Variants in PTPN13 observed in about 807,000 individuals in gnomAD.
PTPN13 encodes tyrosine-protein phosphatase non-receptor type 13.
In PTPN13, 191 loss-of-function variants were observed where a neutral mutation model predicts 284.0. The observed-to-expected ratio is 0.67, with a 90% CI of 0.60 to 0.76. The LOEUF is 0.76. Ranked by LOEUF, PTPN13 falls within the 30% of genes least tolerant of loss-of-function variation. PTPN13 has a pLI of 0.00. For synonymous variants in PTPN13, 986 were observed against 1,022.3 expected (o/e 0.96, Z 0.68); for missense variants, 2,797 against 2,939.9 (o/e 0.95, Z 1.12).
At chr4:86,715,815 G>C (rs1732951363) in intron 7 of PTPN13, among the ~76,000 whole-genome samples, 1 of 152,174 alleles carries the variant, frequency 6.6e-6, no homozygotes, top group South Asian at 2.1e-4. Context: ...TAGTTCAGGA[G>C]TGACATGAAT....
chr4:86,718,468 T>TTTTTTTTTTTTTTTTTTTTTTTTTTTTCA (rs1733268640), intron 9 of PTPN13, among the ~76,000 whole-genome samples: 1 of 152,022 alleles, frequency 6.6e-6, no homozygotes, highest in Admixed American at 6.6e-5. Context: ...TTTTTTTTTT[T>TTTTTTTTTTTTTTTTTTTTTTTTTTTTCA]GAGACAGAGT....
rs1478786126 is a variant in PTPN13, at chr4:86,730,331, C to T, written c.1609-2069C>T. Reference sequence around the variant, plus strand: ...ACGCCATGCTGGGAGAACCACTGCTCTCTTCAGAGCTGTCAGACAGGGACA... The same window carrying T: ...ACGCCATGCTGGGAGAACCACTGCTTTCTTCAGAGCTGTCAGACAGGGACA... On this transcript the variant is annotated intron_variant, in intron 10 of 47. Transcript: ENST00000411767. Among the ~76,000 whole-genome samples the T allele has an allele frequency of 2.0e-5, 3 of 149,894 alleles. 1 individual carries two copies. The highest frequency in any genetic ancestry group is 4.5e-5 in the Non-Finnish European group (3 of 66,734).
intron 1 of PTPN13, among the ~76,000 whole-genome samples, chr4:86,617,555 C>G (rs192105877): frequency 6.6e-6 from 1 of 152,030 alleles, no homozygotes; most frequent in African/African-American, 2.4e-5. Flanking sequence ...AGGTATATCT[C>G]CTAATGCTAT....
intron 2 of PTPN13, among the ~76,000 whole-genome samples, chr4:86,640,830 A>G (rs1224615159): frequency 6.6e-6 from 1 of 152,214 alleles, no homozygotes; most frequent in Non-Finnish European, 1.5e-5. Context: ...GACTTACCAG[A>G]TGTATTATAA....
intron 2 of PTPN13, among the ~76,000 whole-genome samples, chr4:86,650,412 A>G (rs1007279924): frequency 6.6e-6 from 1 of 152,140 alleles, no homozygotes; most frequent in African/African-American, 2.4e-5. Flanking sequence ...CCTAGGCTCA[A>G]GTGATCCTCC....
At chr4:86,741,866 C>A in intron 16 of PTPN13, 50 bp downstream of exon 16, 1 of 1,464,120 alleles carries the variant, frequency 6.8e-7, no homozygotes, top group Non-Finnish European at 9.3e-7. Context: ...ATATTACCAA[C>A]TTCCAATGTA....
chr4:86,642,148 A>G (rs1046934550), intron 2 of PTPN13, among the ~76,000 whole-genome samples: 1 of 152,116 alleles, frequency 6.6e-6, no homozygotes, highest in African/African-American at 2.4e-5. Context: ...TCTGCCCTTA[A>G]TATGGCCACC....
chr4:86,758,998 G>A lies in PTPN13; in HGVS notation c.3478G>A (p.Ala1160Thr). The change falls in exon 23 of 48, where the codon GCA becomes ACA. Residue 1160 changes from alanine (A) to threonine (T), a missense_variant. Transcript: ENST00000411767. ...TCTGGAGGGAGTCAGCCACCATGCT[G>A]CAATTGAAATTTTGCAAAATGCACC... ...VSLEGVSHHAAIEILQNAPED... is the reference protein window; with the variant it reads ...VSLEGVSHHATIEILQNAPED... 1 of 1,613,666 alleles carries A rather than the reference G, an allele frequency of 6.2e-7. No homozygotes were observed. The highest frequency in any genetic ancestry group is 1.7e-5 in the Admixed American group (1 of 59,972).
At chr4:86,626,360 T>C (rs1383306618) in intron 1 of PTPN13, among the ~76,000 whole-genome samples, 1 of 152,122 alleles carries the variant, frequency 6.6e-6, no homozygotes, top group Non-Finnish European at 1.5e-5. Flanking sequence ...TACTAAACAT[T>C]GCTCCAACTG....
At chr4:86,808,167 T>C (rs2149386238) in intron 45 of PTPN13, among the ~76,000 whole-genome samples, 1 of 152,358 alleles carries the variant, frequency 6.6e-6, no homozygotes, top group South Asian at 2.1e-4. Flanking sequence ...TTATCATCCT[T>C]GGTGATAGCA....
rs762746966 is a variant in PTPN13 at position 86,807,718 on chromosome 4, T to C, written c.6904T>C (p.Ser2302Pro). Residue 2302 changes from serine (S) to proline (P), a missense_variant, in exon 45 of 48, where the codon TCC (serine) becomes CCC (proline). By Grantham distance (74) the Ser-to-Pro change is moderately conservative (BLOSUM62 -1). Transcript: ENST00000411767. ...CTGGCAGATGATTTGGGAGCAAAAA[T>C]CCACAGTGATAGCCATGATGACTCA... Reference protein sequence around the residue: ...DFWQMIWEQKSTVIAMMTQEV... With the variant: ...DFWQMIWEQKPTVIAMMTQEV... 1.6e-5 allele frequency: 26 copies of C among 1,613,886 alleles called. No homozygotes were observed. The highest frequency in any genetic ancestry group is 2.1e-5 in the Non-Finnish European group (25 of 1,179,882).
chr4:86,738,919 A>C (rs1735837742), intron 15 of PTPN13, among the ~76,000 whole-genome samples: 1 of 152,162 alleles, frequency 6.6e-6, no homozygotes, highest in Non-Finnish European at 1.5e-5. Context: ...AGCCTGAAGT[A>C]ATCTGCCTGC....
intron 1 of PTPN13, among the ~76,000 whole-genome samples, chr4:86,622,288 T>A (rs186294898): frequency 6.6e-6 from 1 of 152,294 alleles, no homozygotes; most frequent in Admixed American, 6.5e-5. Flanking sequence ...GTAGCTTAGA[T>A]TTTTCTGCTA....
At chr4:86,785,424 G>A in intron 39 of PTPN13, 56 bp downstream of exon 39, 1 of 1,488,044 alleles carries the variant, frequency 6.7e-7, no homozygotes, top group South Asian at 1.4e-5. Flanking sequence ...ACGTCTCTAG[G>A]GAGCATTTTT....
chr4:86,695,994 TG>T (rs1730552872), intron 6 of PTPN13, among the ~76,000 whole-genome samples: 1 of 151,990 alleles, frequency 6.6e-6, no homozygotes, highest in African/African-American at 2.4e-5. Flanking sequence ...TTTATCAAAT[TG>T]TAAGGATTAT....
chr4:86,723,404 T>C (rs1354242697), intron 10 of PTPN13, among the ~76,000 whole-genome samples: 1 of 152,184 alleles, frequency 6.6e-6, no homozygotes, highest in East Asian at 1.9e-4. Context: ...GCGTTGCATG[T>C]TCCTTATGAG....
rs763313683 is a variant in PTPN13, at chr4:86,774,428, C to T, written c.5405C>T (p.Thr1802Ile). The T allele has an allele frequency of 8.1e-6, 13 of 1,606,048 alleles. No individual in the cohort carries two copies. The South Asian group carries it at 1.2e-4, about 15-fold the overall frequency. Residue 1802 changes from threonine (T) to isoleucine (I), a missense_variant, in exon 33 of 48, where the codon ACA becomes ATA. By Grantham distance (89) the Thr-to-Ile change is moderately conservative (BLOSUM62 -1). Transcript: ENST00000411767. Reference protein sequence around the residue: ...IKSEKGSLGFTVTKGNQRIGC... With the variant: ...IKSEKGSLGFIVTKGNQRIGC... ...TCAGAAAAAGGAAGCCTGGGTTTTACAGTAACCAAAGGCAATCAGAGAATT... is the reference window on the plus strand; with the variant it reads ...TCAGAAAAAGGAAGCCTGGGTTTTATAGTAACCAAAGGCAATCAGAGAATT...
chr4:86,757,859 TA>T (rs1254694497), intron 20 of PTPN13, among the ~76,000 whole-genome samples: 1 of 152,004 alleles, frequency 6.6e-6, no homozygotes, highest in Non-Finnish European at 1.5e-5. Context: ...AACCATTAAT[TA>T]GAAGGAATTT....
At chr4:86,708,649 C>T (rs866912256) in intron 7 of PTPN13, among the ~76,000 whole-genome samples, 5 of 152,094 alleles carry the variant, frequency 3.3e-5, no homozygotes, top group Non-Finnish European at 7.4e-5. Context: ...ATCTTACTAA[C>T]AATAGGTATC....
Sources: gnomAD v4.1 joint callset for allele counts (sites outside exome capture counted in the v4.1 genomes callset) on GRCh38, gnomAD v4.1.1 for gene constraint, MANE v1.5 for transcripts, NCBI Gene and HGNC (gene_info 2026-07-23, HGNC 2026-07-21) for gene names.